Variants in DDX50 observed in about 807,000 individuals in gnomAD.
The protein encoded by DDX50 is ATP-dependent RNA helicase DDX50.
Under a neutral mutation model 94.8 loss-of-function variants are expected in DDX50, and 56 were observed. The ratio of observed to expected loss-of-function variants is 0.59; its 90% CI spans 0.48 to 0.74. The LOEUF is 0.74. DDX50 is among the 30% of genes least tolerant of loss of function. DDX50 has a pLI of 0.00. For synonymous variants in DDX50, 264 were observed against 295.4 expected (o/e 0.89, Z 1.09); for missense variants, 713 against 881.2 (o/e 0.81, Z 2.42).
At chr10:68,902,397 A>G (rs1340242566) in intron 1 of DDX50, among the ~76,000 whole-genome samples, 2 of 152,204 alleles carry the variant, frequency 1.3e-5, no homozygotes, top group Non-Finnish European at 2.9e-5. Flanking sequence ...CTTAGAAAGC[A>G]GAATCTACCT....
intron 7 of DDX50, among the ~76,000 whole-genome samples, chr10:68,917,378 T>A (rs1181299489): frequency 2.0e-5 from 3 of 152,028 alleles, no homozygotes; most frequent in African/African-American, 7.2e-5. Flanking sequence ...AAGAATCGCT[T>A]GAACCAGGAG....
chr10:68,920,006 C>T, intron 8 of DDX50, 25 bp downstream of exon 8: 1 of 1,612,322 alleles, frequency 6.2e-7, no homozygotes, highest in Non-Finnish European at 8.5e-7. Flanking sequence ...CATGCTTTCT[C>T]TAATTGAAAT....
intron 8 of DDX50, among the ~76,000 whole-genome samples, chr10:68,923,819 T>C (rs1156659588): frequency 1.3e-5 from 2 of 151,110 alleles, no homozygotes; most frequent in South Asian, 2.1e-4. Flanking sequence ...GCTGGGATTA[T>C]AGACGTGAGC....
At chr10:68,909,073 A>G (rs1175162789) in intron 2 of DDX50, among the ~76,000 whole-genome samples, 4 of 152,104 alleles carry the variant, frequency 2.6e-5, no homozygotes, top group African/African-American at 9.7e-5. Context: ...TGATCCTACC[A>G]CCTTGGCCTC....
Position 68,946,837 on chromosome 10 carries a change from G to A in DDX50, c.*207G>A. 3.2e-6 allele frequency: 2 copies of A among 634,184 alleles called. No individual in the cohort carries two copies. Among genetic ancestry groups the A allele is most frequent in the East Asian group, 3.0e-5 (1 of 33,180 alleles). 39.3% of individuals were successfully genotyped at this position (634,184 alleles called of 1,614,324 possible). A position where few individuals can be genotyped will look rare whatever the true frequency, so the allele number is the denominator to read the frequency against. On this transcript the variant is annotated 3_prime_UTR_variant, in exon 15 of 15. Transcript: ENST00000373585. ...TTGAATAAAAAAACCTCCTTTTATT[G>A]TCTCTTTTCACTTATGTGTTAAGAA...
intron 12 of DDX50, among the ~76,000 whole-genome samples, chr10:68,937,619 T>G (rs185554406): frequency 6.6e-6 from 1 of 151,404 alleles, no homozygotes; most frequent in East Asian, 1.9e-4. Context: ...TGAGTCTTGT[T>G]CTGTTACCCA....
chr10:68,935,756 G>C (rs980841684), intron 10 of DDX50, among the ~76,000 whole-genome samples: 2 of 151,928 alleles, frequency 1.3e-5, no homozygotes, highest in African/African-American at 4.8e-5. Context: ...AATTGCTTGA[G>C]CCCAGGAGGT....
chr10:68,946,614 A>G lies in DDX50; in HGVS notation c.2198A>G (p.Lys733Arg). 6.2e-7 allele frequency: 1 copy of G among 1,613,718 alleles called. No homozygotes were observed. The change falls in exon 15 of 15, where the codon AAA becomes AGA. Residue 733 changes from lysine (K) to arginine (R), a missense_variant. By Grantham distance (26) the Lys-to-Arg change is conservative (BLOSUM62 2). Transcript: ENST00000373585. The stretch of plus-strand genomic sequence containing the variant: ...AATCGATCAAGAAGTGGGGGCCACA[A>G]ACGGAGTTTTGACTGAGTATTTGAT... The part of the protein sequence containing the change: ...NRNRSRSGGH[K>R]RSFD
At chr10:68,931,426 T>TATACAC (rs375773633) in intron 8 of DDX50, among the ~76,000 whole-genome samples, 1 of 84,832 alleles carries the variant, frequency 1.2e-5, no homozygotes, top group Non-Finnish European at 2.3e-5. Context: ...TATATATATA[T>TATACAC]ACACAAACAC....
chr10:68,905,583 T>C (rs1841422488), intron 1 of DDX50, among the ~76,000 whole-genome samples: 1 of 152,200 alleles, frequency 6.6e-6, no homozygotes, highest in South Asian at 2.1e-4. Flanking sequence ...GGCAAGTTGC[T>C]TAACCTCTTA....
At chr10:68,903,473 C>G (rs981553292) in intron 1 of DDX50, among the ~76,000 whole-genome samples, 1 of 151,366 alleles carries the variant, frequency 6.6e-6, no homozygotes, top group African/African-American at 2.4e-5. Context: ...CGAGACCATC[C>G]CGGCCAACAT....
In DDX50 at chr10:68,936,057, T is replaced by A. The variant is rs1382681098; in HGVS notation, c.1573T>A (p.Ser525Thr). The change falls in exon 11 of 15, where the codon TCT becomes ACT. Residue 525 changes from serine (S) to threonine (T), a missense_variant. Transcript: ENST00000373585. The stretch of plus-strand genomic sequence containing the variant: ...TCCTTCTACAATGGATTTAGTTAAA[T>A]CTAAAAGCATGGATGCCATCAGGTA... The part of the protein sequence containing the change: ...GVPSTMDLVK[S>T]KSMDAIRSLA... 3 of 1,610,564 alleles carry A rather than the reference T, an allele frequency of 1.9e-6. No homozygotes were observed. In the South Asian group the frequency reaches 3.3e-5, roughly 18 times the overall value.
At chr10:68,912,420 T>C (rs1841652594) in intron 4 of DDX50, among the ~76,000 whole-genome samples, 1 of 152,108 alleles carries the variant, frequency 6.6e-6, no homozygotes, top group Non-Finnish European at 1.5e-5. Flanking sequence ...CATTCTGTAG[T>C]CCAGGCTGGT....
In DDX50 at chr10:68,907,099, A is replaced by G. The variant is rs527556175; in HGVS notation, c.384+92A>G. Reference sequence around the variant, plus strand: ...GGCTAATTAGAATTGATTCTATAACATTTCTTGATTAGTGTCTAGTATTCT... The same window carrying G: ...GGCTAATTAGAATTGATTCTATAACGTTTCTTGATTAGTGTCTAGTATTCT... On this transcript the variant is annotated intron_variant, in intron 2 of 14. Transcript: ENST00000373585. 894 of 1,246,928 alleles carry G rather than the reference A, an allele frequency of 7.2e-4. 3 individuals carry two copies. In the Middle Eastern group the frequency reaches 0.012, roughly 17 times the overall value. The allele number at this position is 1,246,928 out of a possible 1,614,324, so 77.2% of individuals were successfully genotyped here.
At chr10:68,937,222 CCTT>C in intron 12 of DDX50, 127 bp downstream of exon 12, 9 of 990,824 alleles carry the variant, frequency 9.1e-6, no homozygotes, top group Non-Finnish European at 1.2e-5. Flanking sequence ...AAACTGGTCT[CCTT>C]ATTTTCCTCT....
At chr10:68,916,929 G>A (rs556943771) in intron 7 of DDX50, among the ~76,000 whole-genome samples, 4 of 152,130 alleles carry the variant, frequency 2.6e-5, no homozygotes, top group Non-Finnish European at 5.9e-5. Context: ...CAAGTGATCC[G>A]CCTGCCTTGG....
intron 8 of DDX50, among the ~76,000 whole-genome samples, chr10:68,927,928 G>A (rs948051520): frequency 1.3e-5 from 2 of 152,194 alleles, no homozygotes; most frequent in Non-Finnish European, 2.9e-5. Context: ...AGACTGAGGT[G>A]GGAGGATCTC....
At chr10:68,928,844 T>G (rs1007722046) in intron 8 of DDX50, among the ~76,000 whole-genome samples, 2 of 152,218 alleles carry the variant, frequency 1.3e-5, no homozygotes, top group Admixed American at 6.5e-5. Flanking sequence ...AACCAGAAAT[T>G]TATGTATTAT....
intron 2 of DDX50, among the ~76,000 whole-genome samples, chr10:68,908,685 G>C (rs1841540394): frequency 7.3e-6 from 1 of 137,882 alleles, no homozygotes; most frequent in African/African-American, 2.7e-5. Flanking sequence ...CTGTCACCTA[G>C]GATGGAGTGC....
Sources: gnomAD v4.1 joint callset for allele counts (sites outside exome capture counted in the v4.1 genomes callset) on GRCh38, gnomAD v4.1.1 for gene constraint, MANE v1.5 for transcripts, NCBI Gene and HGNC (gene_info 2026-07-23, HGNC 2026-07-21) for gene names.